C4orf51: variants seen among roughly 807,000 people sequenced by gnomAD.
C4orf51 encodes the protein uncharacterized protein C4orf51.
A neutral mutation model predicts 25.2 loss-of-function variants in C4orf51; 25 were observed. The observed-to-expected ratio is 0.99, with a 90% CI of 0.72 to 1.39. The LOEUF is 1.39. Ranked by LOEUF, C4orf51 falls within the 40% of genes most tolerant of loss-of-function variation. The probability of loss-of-function intolerance (pLI) is 0.00; values close to 1 mark genes in which losing one functional copy is unlikely to be tolerated. For synonymous variants in C4orf51, 100 were observed against 84.5 expected, an observed-to-expected ratio of 1.18 and a Z score of -1.01; for missense variants, 252 against 239.6, an observed-to-expected ratio of 1.05 and a Z score of -0.34.
At chr4:145,725,908 T>A (rs1732029694) in intron 2 of C4orf51, among the ~76,000 whole-genome samples, 1 of 152,190 alleles carries the variant, frequency 6.6e-6, no homozygotes, top group South Asian at 2.1e-4. Flanking sequence ...GTACTTAAAT[T>A]TTGTCAATTT....
At chr4:145,692,642 T>C (rs1389070808) in intron 1 of C4orf51, among the ~76,000 whole-genome samples, 3 of 152,210 alleles carry the variant, frequency 2.0e-5, no homozygotes, top group Non-Finnish European at 2.9e-5. Context: ...AATACATGTA[T>C]AGGAATATTT....
chr4:145,693,231 ACT>A (rs1729730989), intron 1 of C4orf51, among the ~76,000 whole-genome samples: 1 of 148,844 alleles, frequency 6.7e-6, no homozygotes, highest in East Asian at 2.0e-4. Flanking sequence ...ATTGGTGATG[ACT>A]CTTAACGAGC....
intron 1 of C4orf51, chr4:145,764,911 G>T (rs1302139085): frequency 1.2e-6 from 2 of 1,601,718 alleles, no homozygotes; most frequent in South Asian, 2.2e-5. Context: ...AAACCTTCAC[G>T]GGAAGGGACG....
At chr4:145,696,536 T>C (rs1730070720) in intron 1 of C4orf51, 23 bp from the exon 2 acceptor site, 2 of 1,591,022 alleles carry the variant, frequency 1.3e-6, no homozygotes, top group Non-Finnish European at 1.7e-6. Context: ...TTGTAACTTG[T>C]TTCTTCTACT....
the C4orf51 span, among the ~76,000 whole-genome samples, chr4:145,782,978 G>A: frequency 6.6e-6 from 1 of 152,168 alleles, no homozygotes; most frequent in Non-Finnish European, 1.5e-5. Flanking sequence ...GGTAGAGTTA[G>A]TCATTTCCCC....
At position 145,701,390 on chromosome 4, in the gene C4orf51, C is replaced by G. The variant is rs537972080; in HGVS notation, c.307+4758C>G. Among the ~76,000 whole-genome samples the G allele has an allele frequency of 1.5e-4, 23 of 152,240 alleles. No individual in the cohort carries two copies. In the South Asian group the frequency reaches 4.8e-3, roughly 32 times the overall value. On this transcript the variant is annotated intron_variant, in intron 2 of 5. Transcript: ENST00000438731. ...CTTGCTACAAGTGCCAGAAATCTGACCACCAGGCCAAGGAATGCCTGCAGC... is the reference window on the plus strand; with the variant it reads ...CTTGCTACAAGTGCCAGAAATCTGAGCACCAGGCCAAGGAATGCCTGCAGC...
chr4:145,712,399 C>T (rs752938109), intron 2 of C4orf51, among the ~76,000 whole-genome samples: 4 of 152,160 alleles, frequency 2.6e-5, no homozygotes, highest in African/African-American at 9.7e-5. Context: ...AGGTGCTACT[C>T]CAGTGAACGC....
the C4orf51 span, chr4:145,779,234 T>G: frequency 2.2e-4 from 248 of 1,152,068 alleles, 2 homozygotes; most frequent in African/African-American, 2.7e-3. Context: ...TCTTTAAACA[T>G]GCCAGAGAAA....
chr4:145,707,041 C>T (rs1384267874), intron 2 of C4orf51, among the ~76,000 whole-genome samples: 3 of 152,126 alleles, frequency 2.0e-5, no homozygotes, highest in Non-Finnish European at 2.9e-5. Context: ...CTCTTGAACT[C>T]CTGACCTCAG....
rs554039688 is a variant in C4orf51, at chr4:145,680,260, T to A, written c.57T>A (p.Thr19=). 6.8e-6 allele frequency: 11 copies of A among 1,614,020 alleles called. No homozygotes were observed. The South Asian group carries it at 1.1e-4, about 16-fold the overall frequency. The change falls in exon 1 of 6, where the codon ACT becomes ACA. Residue 19 remains threonine (T), a synonymous_variant. Coordinates refer to ENST00000438731, the MANE Select transcript of C4orf51 (RefSeq NM_001080531.3). ...TTCTTCTGCCCTTTAGCCCTCTTAC[T>A]TCTCAAGAGTTTGATCTGATCAGAC... ...PQILLPFSPL[T]SQEFDLIRRK... is the part of the protein sequence containing the mutation.
chr4:145,776,056 G>C, the C4orf51 span: 1 of 1,373,218 alleles, frequency 7.3e-7, no homozygotes, highest in South Asian at 1.3e-5. Flanking sequence ...AGGAAAGAAT[G>C]GTTCAAGTCA....
downstream of C4orf51, among the ~76,000 whole-genome samples, chr4:145,733,571 C>G (rs1732631616): frequency 6.6e-6 from 1 of 152,058 alleles, no homozygotes; most frequent in Non-Finnish European, 1.5e-5. Flanking sequence ...TCCGTTTACT[C>G]CTAGTTACCA....
intron 1 of C4orf51, among the ~76,000 whole-genome samples, chr4:145,689,308 T>C (rs1729378774): frequency 6.6e-6 from 1 of 152,090 alleles, no homozygotes; most frequent in African/African-American, 2.4e-5. Flanking sequence ...TCTATTCAAC[T>C]AAATACAATA....
At chr4:145,772,013 T>C (rs1389616128), downstream of C4orf51, among the ~76,000 whole-genome samples, 3 of 152,346 alleles carry the variant, frequency 2.0e-5, no homozygotes, top group South Asian at 2.1e-4. Context: ...ATACTACTTA[T>C]GGTACCATAG....
chr4:145,717,681 TC>T (rs1319168555), intron 2 of C4orf51, among the ~76,000 whole-genome samples: 3 of 152,240 alleles, frequency 2.0e-5, no homozygotes, highest in Admixed American at 6.5e-5. Context: ...TTCATGATCA[TC>T]ATAGGAGAAA....
the C4orf51 span, among the ~76,000 whole-genome samples, chr4:145,789,011 C>T: frequency 6.6e-6 from 1 of 152,200 alleles, no homozygotes; most frequent in Non-Finnish European, 1.5e-5. Flanking sequence ...AGAGGCTGGT[C>T]ATGAAACATA....
intron 2 of C4orf51, among the ~76,000 whole-genome samples, chr4:145,723,209 A>G (rs959335089): frequency 6.6e-6 from 1 of 152,170 alleles, no homozygotes; most frequent in African/African-American, 2.4e-5. Context: ...TATACTGGCC[A>G]ACAATGCGTA....
chr4:145,774,999 T>C (rs113752197), downstream of C4orf51, among the ~76,000 whole-genome samples: 739 of 152,288 alleles, frequency 4.9e-3, 9 homozygotes, highest in African/African-American at 0.017. Flanking sequence ...CAAAGAGATG[T>C]GGGGTAGCAT....
chr4:145,764,518 T>C (rs1325317854), intron 1 of C4orf51, among the ~76,000 whole-genome samples: 3 of 152,134 alleles, frequency 2.0e-5, no homozygotes, highest in Admixed American at 1.3e-4. Flanking sequence ...GCATGAAAAA[T>C]GTTGCTTCCT....
Sources: allele counts gnomAD v4.1 joint callset (sites outside exome capture counted in the v4.1 genomes callset), GRCh38; gene constraint gnomAD v4.1.1; transcripts MANE v1.5; gene names NCBI Gene and HGNC (gene_info 2026-07-23, HGNC 2026-07-21).